SVOP: variants seen among roughly 807,000 people sequenced by gnomAD.
The protein encoded by SVOP is SV2 related protein.
Under a neutral mutation model 69.1 loss-of-function variants are expected in SVOP, and 17 were observed. The observed-to-expected ratio is 0.25, with a 90% CI of 0.17 to 0.37. SVOP has a LOEUF of 0.37. Ranked by LOEUF, SVOP falls within the 10% of genes least tolerant of loss-of-function variation. The probability of loss-of-function intolerance (pLI) is 1.00; values close to 1 mark genes in which losing one functional copy is unlikely to be tolerated. For missense variants in SVOP, 435 were observed against 597.5 expected, an observed-to-expected ratio of 0.73 and a Z score of 2.84; for synonymous variants, 238 against 238.6, an observed-to-expected ratio of 1.00 and a Z score of 0.02.
At position 108,937,394 on chromosome 12, in the gene SVOP, G is replaced by A. The variant is rs548490355; in HGVS notation, c.898-57C>T. On this transcript the variant is annotated intron_variant, in intron 9 of 15. Coordinates refer to ENST00000610966, the MANE Select transcript of SVOP (RefSeq NM_018711.5). ...TCTCCCCTACAGATGCACGGGAGAT[G>A]GGCTGGTGGCCTGAGACTAGTGCAC... 9.2e-6 allele frequency: 14 copies of A among 1,529,624 alleles called. No homozygotes were observed. The African/African-American group carries it at 1.9e-4, about 21-fold the overall frequency. The allele number at this position is 1,529,624 out of a possible 1,614,324, so 94.8% of individuals were successfully genotyped here. A position where few individuals can be genotyped will look rare whatever the true frequency, so the allele number is the denominator to read the frequency against.
At chr12:108,972,832 C>T (rs1229255283) in intron 4 of SVOP, among the ~76,000 whole-genome samples, 1 of 152,208 alleles carries the variant, frequency 6.6e-6, no homozygotes, top group Non-Finnish European at 1.5e-5. Context: ...GAAACACTTG[C>T]CCTGCTGCTG....
chr12:108,908,867 T>C lies in SVOP; in HGVS notation c.*3668A>G, dbSNP rs1003430935. The C allele has an allele frequency of 6.6e-6, 1 of 152,192 alleles. No individual in the cohort carries two copies. Among genetic ancestry groups the C allele is most frequent in the African/African-American group, 2.4e-5 (1 of 41,418 alleles). The allele number at this position is 152,192 out of a possible 1,614,324, so 9.4% of individuals were successfully genotyped here. ...TCCCTTGGTGCTCGTAGGCCCTTCC[T>C]TCCAGCCCTACAGCAGGACTCATGC... On this transcript the variant is annotated 3_prime_UTR_variant, in exon 16 of 16. Coordinates refer to ENST00000610966, the MANE Select transcript of SVOP (RefSeq NM_018711.5).
chr12:108,937,142 C>G (rs545171459), intron 10 of SVOP, 122 bp downstream of exon 10: 56 of 884,896 alleles, frequency 6.3e-5, no homozygotes, highest in Non-Finnish European at 9.9e-5. Flanking sequence ...GATGTTCGAA[C>G]TACTGAAATT....
intron 9 of SVOP, among the ~76,000 whole-genome samples, chr12:108,937,909 C>T (rs1476039451): frequency 1.3e-5 from 2 of 152,228 alleles, no homozygotes; most frequent in African/African-American, 4.8e-5. Flanking sequence ...AATCCCAGCA[C>T]TTTGGGAGGC....
At chr12:109,020,554 T>C (rs2040391008) in intron 1 of SVOP, among the ~76,000 whole-genome samples, 1 of 152,220 alleles carries the variant, frequency 6.6e-6, no homozygotes. Flanking sequence ...CTGAAAATCC[T>C]TTTAGGATTG....
Position 108,940,884 on chromosome 12 carries a change from A to C in SVOP, c.668T>G (p.Phe223Cys), listed in dbSNP as rs2039887241. Residue 223 changes from phenylalanine (F) to cysteine (C), a missense_variant, in exon 8 of 16, where the codon TTC becomes TGC. Phe to Cys is a radical substitution (Grantham distance 205). Coordinates refer to ENST00000610966, the MANE Select transcript of SVOP (RefSeq NM_018711.5). ...IEVFWAIGTV[F>C]EVVLAVFVMP... ...CACGAACACAGCCAGGACGACCTCG[A>C]ACACTGTCCCGATGGCCCAGAATAC... 1 of 1,536,954 alleles carries C rather than the reference A, an allele frequency of 6.5e-7. No individual in the cohort carries two copies. The highest frequency in any genetic ancestry group is 1.4e-5 in the African/African-American group (1 of 73,032).
intron 7 of SVOP, among the ~76,000 whole-genome samples, chr12:108,944,874 CT>C (rs1566053892): frequency 6.6e-6 from 1 of 152,126 alleles, no homozygotes; most frequent in African/African-American, 2.4e-5. Context: ...GCCGACACTT[CT>C]TTTTTTGAGG....
At chr12:108,918,164 G>C (rs2039725795) in intron 13 of SVOP, 40 bp from the exon 14 acceptor site, 18 of 1,506,684 alleles carry the variant, frequency 1.2e-5, no homozygotes, top group Non-Finnish European at 1.5e-5. Flanking sequence ...ATTTTTTTCT[G>C]TCTGCTTGTT....
At chr12:109,013,641 T>G (rs1486338348) in intron 1 of SVOP, among the ~76,000 whole-genome samples, 1 of 152,050 alleles carries the variant, frequency 6.6e-6, no homozygotes, top group African/African-American at 2.4e-5. Flanking sequence ...CTGCCTGCCT[T>G]AGCCTCCCAA....
intron 7 of SVOP, among the ~76,000 whole-genome samples, chr12:108,943,797 T>C (rs1319705932): frequency 6.6e-6 from 1 of 151,436 alleles, no homozygotes; most frequent in Non-Finnish European, 1.5e-5. Flanking sequence ...TTCTTCTTCT[T>C]CTTCTCTTTC....
intron 1 of SVOP, among the ~76,000 whole-genome samples, chr12:109,013,544 C>T (rs1289654213): frequency 6.6e-6 from 1 of 152,086 alleles, no homozygotes; most frequent in Non-Finnish European, 1.5e-5. Context: ...GTGCATGCCA[C>T]CACACCTGGC....
At chr12:108,981,971 TCAC>T (rs1478170965) in intron 2 of SVOP, among the ~76,000 whole-genome samples, 3 of 151,184 alleles carry the variant, frequency 2.0e-5, no homozygotes, top group South Asian at 2.1e-4. Flanking sequence ...TTCATCATCA[TCAC>T]CACCATCATC....
chr12:109,010,152 T>A lies in SVOP; in HGVS notation c.35+10682A>T, dbSNP rs192802024. 1.3e-3 allele frequency among the ~76,000 whole-genome samples: 202 copies of A among 151,706 alleles called. 3 individuals are homozygous for A. In the East Asian group the frequency reaches 0.029, roughly 22 times the overall value. ...CAAAAAAAAAAAAAAAATTTTTTTT[T>A]AATTAAATAAATAAGTTAATAAATA... is the stretch of plus-strand genomic sequence containing the variant. On this transcript the variant is annotated intron_variant, in intron 1 of 15. Transcript: ENST00000610966.
intron 6 of SVOP, among the ~76,000 whole-genome samples, chr12:108,959,155 C>A (rs1184262248): frequency 6.6e-6 from 1 of 152,016 alleles, no homozygotes; most frequent in Non-Finnish European, 1.5e-5. Flanking sequence ...TCGCCCTGGT[C>A]CTCTTGCAAA....
chr12:108,978,590 A>T lies in SVOP; in HGVS notation c.270T>A (p.Thr90=), dbSNP rs1298592629. Residue 90 remains threonine, a synonymous_variant, in exon 3 of 16, where the codon ACT becomes ACA. Coordinates refer to ENST00000610966, the MANE Select transcript of SVOP (RefSeq NM_018711.5). Reference sequence around the variant, plus strand: ...CAGAAATACTTGCCCAAGCCAAGCCAGTGAGAACAGACAGCTTCCACTGAA... The same window carrying T: ...CAGAAATACTTGCCCAAGCCAAGCCTGTGAGAACAGACAGCTTCCACTGAA... ...GKFQWKLSVL[T]GLAWMADAME... The T allele has an allele frequency of 2.8e-6, 2 of 703,828 alleles. No homozygotes were observed. Among genetic ancestry groups the T allele is most frequent in the African/African-American group, 3.5e-5 (2 of 57,238 alleles). The allele number at this position is 703,828 out of a possible 1,614,324, so 43.6% of individuals were successfully genotyped here. A position where few individuals can be genotyped will look rare whatever the true frequency, so the allele number is the denominator to read the frequency against.
chr12:108,992,358 T>G (rs1412682587), intron 1 of SVOP, among the ~76,000 whole-genome samples: 1 of 151,248 alleles, frequency 6.6e-6, no homozygotes, highest in Non-Finnish European at 1.5e-5. Flanking sequence ...CTGGGCAAAA[T>G]AGGGAGACCC....
At chr12:108,976,689 C>T (rs1593197117) in intron 4 of SVOP, among the ~76,000 whole-genome samples, 1 of 151,594 alleles carries the variant, frequency 6.6e-6, no homozygotes, top group East Asian at 1.9e-4. Context: ...AATCTCAGCT[C>T]ACTGCAACCT....
intron 8 of SVOP, among the ~76,000 whole-genome samples, chr12:108,939,635 C>T (rs968031046): frequency 2.6e-5 from 4 of 152,212 alleles, no homozygotes; most frequent in African/African-American, 9.6e-5. Flanking sequence ...CAATTAGCCC[C>T]TCTGGGCTTC....
intron 1 of SVOP, among the ~76,000 whole-genome samples, chr12:108,992,496 ACACCACTG>A (rs1352933812): frequency 6.6e-6 from 1 of 152,118 alleles, no homozygotes; most frequent in African/African-American, 2.4e-5. Context: ...AGCTATGATC[ACACCACTG>A]CACTCCAGGC....
Sources: gnomAD v4.1 joint callset for allele counts (sites outside exome capture counted in the v4.1 genomes callset) on GRCh38, gnomAD v4.1.1 for gene constraint, MANE v1.5 for transcripts, NCBI Gene and HGNC (gene_info 2026-07-23, HGNC 2026-07-21) for gene names.